Variants in CADM2 observed in about 807,000 individuals in gnomAD.
CADM2 encodes the protein cell adhesion molecule 2, also known as immunoglobulin superfamily member 4D.
A neutral mutation model predicts 49.8 loss-of-function variants in CADM2; 12 were observed. The observed-to-expected ratio is 0.24, with a 90% CI of 0.15 to 0.39. The LOEUF (loss-of-function observed/expected upper bound fraction) is 0.39, where lower values mean the gene tolerates loss of function less well. Among genes scored for constraint, CADM2 ranks in the 10% least tolerant of loss-of-function variants. The pLI, the probability that CADM2 is intolerant of heterozygous loss-of-function variation, is 1.00. For synonymous variants in CADM2, 214 were observed against 175.4 expected, an observed-to-expected ratio of 1.22 and a Z score of -1.74; for missense variants, 378 against 492.3, an observed-to-expected ratio of 0.77 and a Z score of 2.20.
chr3:86,042,327 A>C (rs1291241171), intron 8 of CADM2, among the ~76,000 whole-genome samples: 2 of 152,088 alleles, frequency 1.3e-5, no homozygotes, highest in Non-Finnish European at 2.9e-5. Flanking sequence ...TTGATAGACC[A>C]CTAGCAAGAC....
chr3:85,109,995 T>C (rs2038391418), intron 1 of CADM2, among the ~76,000 whole-genome samples: 1 of 152,034 alleles, frequency 6.6e-6, no homozygotes, highest in South Asian at 2.1e-4. Flanking sequence ...ACCTAAACAT[T>C]GCAGTAAAAG....
intron 1 of CADM2, among the ~76,000 whole-genome samples, chr3:85,003,606 A>C (rs1418341728): frequency 6.6e-6 from 1 of 152,148 alleles, no homozygotes; most frequent in Non-Finnish European, 1.5e-5. Flanking sequence ...ACTACTTAAG[A>C]CTACTTAAAC....
At chr3:85,469,399 A>G (rs186769840) in intron 1 of CADM2, among the ~76,000 whole-genome samples, 1 of 152,196 alleles carries the variant, frequency 6.6e-6, no homozygotes, top group Admixed American at 6.5e-5. Context: ...GGGTGGGAAC[A>G]TAACAGAAAA....
At chr3:85,662,504 G>C (rs1052477950) in intron 1 of CADM2, among the ~76,000 whole-genome samples, 16 of 151,868 alleles carry the variant, frequency 1.1e-4, no homozygotes, top group African/African-American at 3.9e-4. Context: ...CTCTCCCTCT[G>C]ATTTTTAAAT....
chr3:85,648,824 TTCATGGAAATGAA>T lies in CADM2; in HGVS notation c.62-77693_62-77681del, dbSNP rs1415787498. On this transcript the variant is annotated intron_variant, in intron 1 of 9. Coordinates refer to ENST00000383699, the MANE Select transcript of CADM2 (RefSeq NM_001167675.2). ...TAGCTTTTTTGAAAGCCATGTAATA[TTCATGGAAATGAA>T]TCATCTGTCAAAATAGTCGTTTTGG... Among the ~76,000 whole-genome samples, 10 of 152,078 alleles carry T rather than the reference TTCATGGAAATGAA, an allele frequency of 6.6e-5. No individual in the cohort carries two copies. The East Asian group carries it at 1.9e-3, about 29-fold the overall frequency.
intron 1 of CADM2, among the ~76,000 whole-genome samples, chr3:85,527,705 A>T (rs1376321804): frequency 2.6e-5 from 4 of 152,126 alleles, no homozygotes; most frequent in African/African-American, 9.6e-5. Context: ...AATTTCTGTT[A>T]TGCATAATAC....
chr3:85,158,155 C>G (rs1576007187), intron 1 of CADM2, among the ~76,000 whole-genome samples: 1 of 152,174 alleles, frequency 6.6e-6, no homozygotes, highest in African/African-American at 2.4e-5. Context: ...CATCTCACAC[C>G]AGTTAGAATG....
intron 8 of CADM2, among the ~76,000 whole-genome samples, chr3:86,060,658 C>T (rs1031337644): frequency 2.6e-5 from 4 of 152,072 alleles, no homozygotes; most frequent in African/African-American, 9.7e-5. Context: ...AGCATGATAA[C>T]AGACTAATAC....
At chr3:86,018,957 C>T (rs71626893) in intron 8 of CADM2, among the ~76,000 whole-genome samples, 24,487 of 142,776 alleles carry the variant, frequency 0.17, 1,907 homozygotes, top group South Asian at 0.23. Context: ...TTGCCCATGC[C>T]TATGTCCTGA....
intron 1 of CADM2, among the ~76,000 whole-genome samples, chr3:85,351,828 A>C (rs114440559): frequency 6.6e-6 from 1 of 152,264 alleles, no homozygotes; most frequent in South Asian, 2.1e-4. Context: ...GAGACTGTAT[A>C]AGAACTGCAT....
chr3:85,455,419 C>T (rs963614770), intron 1 of CADM2, among the ~76,000 whole-genome samples: 6 of 152,286 alleles, frequency 3.9e-5, no homozygotes, highest in African/African-American at 1.2e-4. Context: ...GTTACATCCA[C>T]CCTACTGATG....
At chr3:85,456,271 T>G (rs2107579175) in intron 1 of CADM2, among the ~76,000 whole-genome samples, 1 of 152,288 alleles carries the variant, frequency 6.6e-6, no homozygotes, top group East Asian at 1.9e-4. Context: ...AGATTGATAG[T>G]CTATCTGGCA....
At chr3:85,398,161 C>T (rs1440206336) in intron 1 of CADM2, among the ~76,000 whole-genome samples, 2 of 152,080 alleles carry the variant, frequency 1.3e-5, no homozygotes, top group African/African-American at 2.4e-5. Context: ...CCCCCCTTCC[C>T]CCACCCCATG....
Position 85,870,113 on chromosome 3 carries a change from C to T in CADM2, c.239-13178C>T, listed in dbSNP as rs375601800. Among the ~76,000 whole-genome samples the T allele has an allele frequency of 3.9e-4, 60 of 152,252 alleles. No homozygotes were observed. The South Asian group carries it at 0.012, about 30-fold the overall frequency. ...TGGGCTCATTAGAAACAATTCTGAT[C>T]ACTTCAAAATGCAGCACTGACTTGG... On this transcript the variant is annotated intron_variant, in intron 3 of 9. Transcript: ENST00000383699.
chr3:85,600,930 A>C (rs1251933965), intron 1 of CADM2, among the ~76,000 whole-genome samples: 1 of 150,904 alleles, frequency 6.6e-6, no homozygotes, highest in Non-Finnish European at 1.5e-5. Context: ...CTTTGAACTA[A>C]GTTCTACAGA....
chr3:85,824,555 CAG>C (rs2073797381), intron 3 of CADM2, among the ~76,000 whole-genome samples: 1 of 152,020 alleles, frequency 6.6e-6, no homozygotes, highest in South Asian at 2.1e-4. Flanking sequence ...ACTTGTGAGA[CAG>C]AGAACCAAGT....
intron 1 of CADM2, among the ~76,000 whole-genome samples, chr3:85,459,980 G>T (rs903962307): frequency 6.6e-6 from 1 of 152,100 alleles, no homozygotes; most frequent in African/African-American, 2.4e-5. Flanking sequence ...ATTTTAAAGA[G>T]ATTTCTTAAT....
intron 1 of CADM2, among the ~76,000 whole-genome samples, chr3:85,422,141 C>T (rs2036200027): frequency 6.7e-6 from 1 of 150,262 alleles, no homozygotes; most frequent in African/African-American, 2.4e-5. Context: ...AGAATGTGTA[C>T]ATAAATATAC....
At chr3:85,455,449 C>T (rs973440939) in intron 1 of CADM2, among the ~76,000 whole-genome samples, 3 of 152,134 alleles carry the variant, frequency 2.0e-5, no homozygotes, top group Non-Finnish European at 4.4e-5. Flanking sequence ...AAAGTGCTGT[C>T]ACAGTTTTTC....
Sources: gnomAD v4.1 joint callset for allele counts (sites outside exome capture counted in the v4.1 genomes callset) on GRCh38, gnomAD v4.1.1 for gene constraint, MANE v1.5 for transcripts, NCBI Gene and HGNC (gene_info 2026-07-23, HGNC 2026-07-21) for gene names.